The following CRYBG1 variants were observed in gnomAD, a reference collection of about 807,000 sequenced individuals.
The protein encoded by CRYBG1 is beta/gamma crystallin domain-containing protein 1.
A neutral mutation model predicts 189.2 loss-of-function variants in CRYBG1; 139 were observed. The observed-to-expected ratio is 0.73, with a 90% CI of 0.64 to 0.85. The LOEUF (loss-of-function observed/expected upper bound fraction) is 0.85. Ranked by LOEUF, CRYBG1 falls within the 40% of genes least tolerant of loss-of-function variation. The probability of loss-of-function intolerance (pLI) is 0.00; values close to 1 mark genes in which losing one functional copy is unlikely to be tolerated. For missense variants in CRYBG1, 2,611 were observed against 2,675.8 expected (o/e 0.98, Z 0.53); for synonymous variants, 1,023 against 1,017.1 (o/e 1.01, Z -0.11).
At chr6:106,493,751 A>T (rs1196789165) in intron 2 of CRYBG1, among the ~76,000 whole-genome samples, 2 of 152,174 alleles carry the variant, frequency 1.3e-5, no homozygotes, top group African/African-American at 4.8e-5. Context: ...TATAAGTGGG[A>T]TGAGAACACA....
intron 1 of CRYBG1, among the ~76,000 whole-genome samples, chr6:106,449,128 T>C (rs1486880763): frequency 1.3e-5 from 2 of 152,176 alleles, no homozygotes; most frequent in African/African-American, 4.8e-5. Context: ...ACAAGCAAAA[T>C]ACATAGAAAA....
rs778252899 is a variant in CRYBG1, at chr6:106,555,773, T to C, written c.5591T>C (p.Val1864Ala). The change falls in exon 17 of 22, where the codon GTT (valine) becomes GCT (alanine). Residue 1864 changes from valine (V) to alanine (A), a missense_variant. By Grantham distance (64) the Val-to-Ala change is moderately conservative. Coordinates refer to ENST00000633556, the MANE Select transcript of CRYBG1 (RefSeq NM_001371242.2). Reference protein sequence around the residue: ...KSCRVSGGSWVVYDGENFTGN... With the variant: ...KSCRVSGGSWAVYDGENFTGN... ...TGTGGTTTTTCCCATTGTAGCTGGG[T>C]TGTATATGATGGAGAAAATTTCACT... The C allele has an allele frequency of 6.2e-7, 1 of 1,614,028 alleles. No homozygotes were observed. Among genetic ancestry groups the C allele is most frequent in the African/African-American group, 1.3e-5 (1 of 74,918 alleles).
intron 1 of CRYBG1, among the ~76,000 whole-genome samples, chr6:106,397,132 C>A (rs75866641): frequency 0.02 from 3,065 of 152,248 alleles, 110 homozygotes; most frequent in African/African-American, 0.069. Flanking sequence ...GCTTTACTAA[C>A]GTGTAATTGG....
rs767615313 is a variant in CRYBG1 at position 106,519,711 on chromosome 6, G to A, written c.2503G>A (p.Ala835Thr). 2 of 1,614,180 alleles carry A rather than the reference G, an allele frequency of 1.2e-6. No homozygotes were observed. Residue 835 changes from alanine to threonine, a missense_variant, in exon 4 of 22, where the codon GCA (alanine) becomes ACA (threonine). Coordinates refer to ENST00000633556, the MANE Select transcript of CRYBG1 (RefSeq NM_001371242.2). ...TGTACTTGAAAATGTAACCGATACA[G>A]CACAAGACATCCCCACCACTGTGGA... Reference protein sequence around the residue: ...SLVLENVTDTAQDIPTTVDTK... With the variant: ...SLVLENVTDTTQDIPTTVDTK...
chr6:106,482,619 CA>C (rs761094865), intron 2 of CRYBG1, among the ~76,000 whole-genome samples: 5 of 151,910 alleles, frequency 3.3e-5, no homozygotes, highest in Middle Eastern at 3.4e-3. Context: ...ACTAAAAATA[CA>C]AAAAATTAGC....
In CRYBG1 at chr6:106,464,349, C is replaced by T. The variant is rs1482590829; in HGVS notation, c.312+12517C>T. On this transcript the variant is annotated intron_variant, in intron 2 of 21. Transcript: ENST00000633556. ...TCTACTAAAAATACAAAAAATTAGCCGGGCATGTTGGTGCGCGCCTGTAAT... is the reference window on the plus strand; with the variant it reads ...TCTACTAAAAATACAAAAAATTAGCTGGGCATGTTGGTGCGCGCCTGTAAT... 3.3e-5 allele frequency among the ~76,000 whole-genome samples: 5 copies of T among 151,916 alleles called. No individual in the cohort carries two copies. In the South Asian group the frequency reaches 8.3e-4, roughly 25 times the overall value.
At chr6:106,492,049 T>A (rs1186785224) in intron 2 of CRYBG1, among the ~76,000 whole-genome samples, 1 of 152,172 alleles carries the variant, frequency 6.6e-6, no homozygotes, top group Non-Finnish European at 1.5e-5. Context: ...AAATCCATCC[T>A]TTAAGGCTAG....
chr6:106,415,417 C>T (rs1177810022), intron 1 of CRYBG1, among the ~76,000 whole-genome samples: 1 of 152,142 alleles, frequency 6.6e-6, no homozygotes, highest in East Asian at 1.9e-4. Flanking sequence ...AACAAAAGTC[C>T]TTCTGCTTAG....
intron 1 of CRYBG1, among the ~76,000 whole-genome samples, chr6:106,400,960 G>A (rs1770709388): frequency 6.6e-6 from 1 of 152,206 alleles, no homozygotes; most frequent in African/African-American, 2.4e-5. Flanking sequence ...GGGCTTTGGG[G>A]AGCCGTCTTT....
chr6:106,555,463 T>G (rs1407901805), intron 16 of CRYBG1, among the ~76,000 whole-genome samples: 3 of 152,090 alleles, frequency 2.0e-5, no homozygotes, highest in Non-Finnish European at 4.4e-5. Context: ...GGCTTGAAGC[T>G]CCACTGGCTG....
chr6:106,442,959 T>C (rs1209399543), intron 1 of CRYBG1, among the ~76,000 whole-genome samples: 1 of 152,222 alleles, frequency 6.6e-6, no homozygotes, highest in East Asian at 1.9e-4. Context: ...AGTGCTGAGC[T>C]ATCTGTTGGT....
intron 1 of CRYBG1, among the ~76,000 whole-genome samples, chr6:106,394,949 G>A (rs917312022): frequency 6.6e-6 from 1 of 150,394 alleles, no homozygotes; most frequent in African/African-American, 2.4e-5. Flanking sequence ...TCTGCCTCCC[G>A]GGTTCAAGTG....
rs1457988310 is a variant in CRYBG1, at chr6:106,568,461, C to CTTTCT, written c.6302-7_6302-3dup. ...GGTACATTCATCTTTTATTATTTTC[C>CTTTCT]TTTCTTTTAGGGGGCACACAGTATG... On this transcript the variant is annotated splice_polypyrimidine_tract_variant and intron_variant, in intron 21 of 21. Transcript: ENST00000633556. 1 of 1,605,052 alleles carries CTTTCT rather than the reference C, an allele frequency of 6.2e-7. No individual in the cohort carries two copies. The highest frequency in any genetic ancestry group is 1.7e-5 in the Admixed American group (1 of 59,806).
intron 2 of CRYBG1, among the ~76,000 whole-genome samples, chr6:106,474,513 T>C (rs572528658): frequency 3.3e-5 from 5 of 152,356 alleles, no homozygotes; most frequent in Admixed American, 3.3e-4. Flanking sequence ...ATTTAGTATT[T>C]TAAATATGGT....
intron 1 of CRYBG1, among the ~76,000 whole-genome samples, chr6:106,422,344 A>T (rs2103905): frequency 0.042 from 5,901 of 139,814 alleles, 187 homozygotes; most frequent in Non-Finnish European, 0.063. Flanking sequence ...TTATTTATTT[A>T]TTTTTGAGAC....
At chr6:106,534,841 G>C (rs941561739) in intron 8 of CRYBG1, among the ~76,000 whole-genome samples, 1 of 151,994 alleles carries the variant, frequency 6.6e-6, no homozygotes, top group East Asian at 1.9e-4. Context: ...GGAAGTGGGG[G>C]GTGGTATATT....
intron 1 of CRYBG1, among the ~76,000 whole-genome samples, chr6:106,363,031 G>A (rs147475138): frequency 0.049 from 7,476 of 151,656 alleles, 601 homozygotes; most frequent in African/African-American, 0.17. Flanking sequence ...GGATCACGAG[G>A]TCAGGAGATC....
intron 10 of CRYBG1, among the ~76,000 whole-genome samples, chr6:106,542,367 C>T (rs1247425266): frequency 6.7e-6 from 1 of 149,342 alleles, no homozygotes; most frequent in Non-Finnish European, 1.5e-5. Context: ...ACTGAAGCCT[C>T]GATTTCTCCA....
chr6:106,570,120 C>T lies in CRYBG1; in HGVS notation c.*1554C>T, dbSNP rs933910286. ...AAACATTTCCTTGAATATATTCTTC[C>T]TCTTTTTGTCCTCATCACTCAATAC... is the stretch of plus-strand genomic sequence containing the variant. On this transcript the variant is annotated 3_prime_UTR_variant, in exon 22 of 22. Transcript: ENST00000633556. 6.6e-6 allele frequency: 1 copy of T among 152,182 alleles called. No homozygotes were observed. Among genetic ancestry groups the T allele is most frequent in the Non-Finnish European group, 1.5e-5 (1 of 68,030 alleles). The allele number at this position is 152,182 out of a possible 1,614,324, so 9.4% of individuals were successfully genotyped here.
Sources: gnomAD v4.1 joint callset for allele counts (sites outside exome capture counted in the v4.1 genomes callset) on GRCh38, gnomAD v4.1.1 for gene constraint, MANE v1.5 for transcripts, NCBI Gene and HGNC (gene_info 2026-07-23, HGNC 2026-07-21) for gene names.